The following CELF2 variants were observed in gnomAD, a reference collection of about 807,000 sequenced individuals.
The protein encoded by CELF2 is CUG triplet repeat RNA-binding protein 2.
CELF2 carries 8 observed loss-of-function variants against 62.6 expected under a neutral mutation model. That is an observed-to-expected ratio of 0.13 (90% CI 0.07 to 0.23). The LOEUF is 0.23. Ranked by LOEUF, CELF2 falls within the 10% of genes least tolerant of loss-of-function variation. The pLI is 1.00. For synonymous variants in CELF2, 258 were observed against 250.0 expected, an observed-to-expected ratio of 1.03 and a Z score of -0.30; for missense variants, 333 against 671.0, an observed-to-expected ratio of 0.50 and a Z score of 5.56.
chr10:10,780,332 C>T, the CELF2 span, among the ~76,000 whole-genome samples: 9 of 152,044 alleles, frequency 5.9e-5, no homozygotes, highest in Admixed American at 5.2e-4. Flanking sequence ...GGCACTTACC[C>T]TAGGCATTTT....
chr10:11,176,604 A>C (rs1438597115), intron 2 of CELF2, among the ~76,000 whole-genome samples: 5 of 152,176 alleles, frequency 3.3e-5, no homozygotes. Context: ...GTTGAATGTA[A>C]GTTGCCTAGG....
intron 1 of CELF2, among the ~76,000 whole-genome samples, chr10:10,826,367 G>T (rs1297509285): frequency 1.3e-5 from 2 of 152,148 alleles, no homozygotes; most frequent in Non-Finnish European, 2.9e-5. Context: ...CATGGTCTCA[G>T]ACACAATGGT....
chr10:11,180,053 T>A (rs570687881), intron 2 of CELF2, among the ~76,000 whole-genome samples: 16 of 152,300 alleles, frequency 1.1e-4, no homozygotes, highest in African/African-American at 3.1e-4. Flanking sequence ...AGCCTGTTGG[T>A]GCTCCTCAGT....
At chr10:11,052,566 G>A (rs569167472) in intron 1 of CELF2, among the ~76,000 whole-genome samples, 1 of 152,248 alleles carries the variant, frequency 6.6e-6, no homozygotes, top group Non-Finnish European at 1.5e-5. Flanking sequence ...GTTCCGTATT[G>A]AAAAATGAAA....
At chr10:10,845,704 A>G (rs965307607) in intron 1 of CELF2, among the ~76,000 whole-genome samples, 35 of 152,306 alleles carry the variant, frequency 2.3e-4, no homozygotes, top group African/African-American at 8.2e-4. Context: ...TTTATGTATC[A>G]GTTATACAGA....
the CELF2 span, among the ~76,000 whole-genome samples, chr10:10,604,703 G>A: frequency 1.3e-5 from 2 of 152,146 alleles, no homozygotes; most frequent in African/African-American, 4.8e-5. Context: ...ATGGGAAAAA[G>A]CAGTCAAATA....
the CELF2 span, among the ~76,000 whole-genome samples, chr10:10,480,150 A>G: frequency 6.6e-6 from 1 of 152,212 alleles, no homozygotes. Context: ...ATTTAGAAGC[A>G]GAATCTTTAA....
chr10:11,126,169 G>C (rs548698628), intron 1 of CELF2, among the ~76,000 whole-genome samples: 1 of 152,312 alleles, frequency 6.6e-6, no homozygotes, highest in African/African-American at 2.4e-5. Context: ...GTTTTCCTAA[G>C]TTTCCAGTTC....
chr10:11,128,236 C>T (rs567682357), intron 1 of CELF2, among the ~76,000 whole-genome samples: 4 of 152,092 alleles, frequency 2.6e-5, no homozygotes, highest in Non-Finnish European at 4.4e-5. Flanking sequence ...TTCCATTGGT[C>T]TATATCTCTG....
rs2139719000 is a variant in CELF2 at position 11,290,316 on chromosome 10, C to G, written c.976+1764C>G. Among the ~76,000 whole-genome samples the G allele has an allele frequency of 6.6e-6, 1 of 152,224 alleles. No homozygotes were observed. Among genetic ancestry groups the G allele is most frequent in the East Asian group, 1.9e-4 (1 of 5,182 alleles). On this transcript the variant is annotated intron_variant, in intron 9 of 12. Coordinates refer to ENST00000633077, the MANE Select transcript of CELF2 (RefSeq NM_001326342.2). This position sits in a 1 kb window ranked among gnomAD's most constrained non-coding sequence, Gnocchi z 4.3. Reference sequence around the variant, plus strand: ...CAAAAGGTGACCTTTGAGCAGAGACCTGAGTTCCGTGACGGAAGCCATGGC... The same window carrying G: ...CAAAAGGTGACCTTTGAGCAGAGACGTGAGTTCCGTGACGGAAGCCATGGC...
At chr10:11,195,427 G>T (rs2057206346) in intron 2 of CELF2, among the ~76,000 whole-genome samples, 1 of 152,146 alleles carries the variant, frequency 6.6e-6, no homozygotes, top group South Asian at 2.1e-4. Flanking sequence ...CCAGACTTAG[G>T]TACCGTTTCT....
intron 7 of CELF2, among the ~76,000 whole-genome samples, chr10:11,272,322 A>T (rs1248809777): frequency 6.6e-6 from 1 of 152,234 alleles, no homozygotes; most frequent in Non-Finnish European, 1.5e-5. Context: ...AAATTGCTTT[A>T]AAAGAGAAAT....
the CELF2 span, among the ~76,000 whole-genome samples, chr10:10,598,748 T>G: frequency 7.1e-6 from 1 of 141,560 alleles, no homozygotes; most frequent in Non-Finnish European, 1.5e-5. Flanking sequence ...TTTCTTTTTC[T>G]TTCTTTTTTT....
chr10:10,689,370 T>G, the CELF2 span, among the ~76,000 whole-genome samples: 1,391 of 152,232 alleles, frequency 9.1e-3, 22 homozygotes, highest in African/African-American at 0.032. Flanking sequence ...GTGGAAAATC[T>G]GCCCCCATGA....
chr10:10,639,074 C>G, the CELF2 span, among the ~76,000 whole-genome samples: 1 of 151,964 alleles, frequency 6.6e-6, no homozygotes, highest in African/African-American at 2.4e-5. Context: ...TTAGAAAAAC[C>G]CAGAAGAGAG....
chr10:10,560,615 C>T, the CELF2 span, among the ~76,000 whole-genome samples: 212 of 152,156 alleles, frequency 1.4e-3, 2 homozygotes, highest in Middle Eastern at 0.017. Flanking sequence ...TATGGAGATT[C>T]CTTAAAGAAA....
At chr10:11,038,603 G>A (rs941241581) in intron 1 of CELF2, among the ~76,000 whole-genome samples, 2 of 152,122 alleles carry the variant, frequency 1.3e-5, no homozygotes, top group African/African-American at 4.8e-5. Context: ...CAACTACTAT[G>A]CAGTACACCA....
chr10:10,762,770 G>C, the CELF2 span, among the ~76,000 whole-genome samples: 1 of 152,140 alleles, frequency 6.6e-6, no homozygotes, highest in Non-Finnish European at 1.5e-5. Context: ...GGTCAGCTGT[G>C]GTGGCTCATG....
At chr10:11,288,686 G>T in intron 9 of CELF2, 134 bp downstream of exon 9, 1 of 932,872 alleles carries the variant, frequency 1.1e-6, no homozygotes, top group South Asian at 1.9e-5. Context: ...GCTGCTTTAT[G>T]TCATTGGGTT....
Sources: allele counts gnomAD v4.1 joint callset (sites outside exome capture counted in the v4.1 genomes callset), GRCh38; gene constraint gnomAD v4.1.1; non-coding constraint Gnocchi (gnomAD v3.1); transcripts MANE v1.5; gene names NCBI Gene and HGNC (gene_info 2026-07-23, HGNC 2026-07-21).